LRRC4B: variants seen among roughly 807,000 people sequenced by gnomAD.
LRRC4B encodes the protein leucine-rich repeat-containing protein 4B.
LRRC4B carries 1 observed loss-of-function variant against 7.3 expected under a neutral mutation model. That is an observed-to-expected ratio of 0.14 (90% confidence interval 0.05 to 0.65). The LOEUF is 0.65. Ranked by LOEUF, LRRC4B falls within the 30% of genes least tolerant of loss-of-function variation. The pLI, the probability that LRRC4B is intolerant of heterozygous loss-of-function variation, is 0.84. For missense variants in LRRC4B, 730 were observed against 1,041.6 expected, an observed-to-expected ratio of 0.70 and a Z score of 4.12; for synonymous variants, 500 against 499.2, an observed-to-expected ratio of 1.00 and a Z score of -0.02.
Position 50,518,003 on chromosome 19 carries a change from G to A in LRRC4B, c.1710C>T (p.Asp570=). 1 of 1,541,216 alleles carries A rather than the reference G, an allele frequency of 6.5e-7. No homozygotes were observed. Among genetic ancestry groups the A allele is most frequent in the South Asian group, 1.3e-5 (1 of 79,380 alleles). The part of the protein sequence containing the change: ...VTENALKDLD[D]VMKTTKIIIG... Reference sequence around the variant, plus strand: ...TGATGATTTTGGTGGTCTTCATGACGTCGTCCAGGTCCTTGAGGGCGTTCT... The same window carrying A: ...TGATGATTTTGGTGGTCTTCATGACATCGTCCAGGTCCTTGAGGGCGTTCT... The change falls in exon 3 of 3, where the codon GAC becomes GAT. Residue 570 remains aspartate, a synonymous_variant. Coordinates refer to ENST00000652263, the MANE Select transcript of LRRC4B (RefSeq NM_001080457.2).
intron 2 of LRRC4B, among the ~76,000 whole-genome samples, chr19:50,540,465 T>A (rs1482808543): frequency 1.3e-5 from 2 of 152,062 alleles, no homozygotes; most frequent in African/African-American, 4.8e-5. Context: ...CGGGTTCAAG[T>A]GATTCTCCTG....
At chr19:50,529,209 T>TA (rs1980946807) in intron 2 of LRRC4B, among the ~76,000 whole-genome samples, 1 of 152,138 alleles carries the variant, frequency 6.6e-6, no homozygotes, top group Non-Finnish European at 1.5e-5. Flanking sequence ...ATCAATGCGT[T>TA]AGGAGCCTGC....
intron 1 of LRRC4B, among the ~76,000 whole-genome samples, chr19:50,564,477 G>C (rs111605126): frequency 2.0e-5 from 3 of 151,934 alleles, no homozygotes; most frequent in Admixed American, 6.6e-5. Context: ...CACAGAGAGC[G>C]GTGTCGAGCA....
intron 2 of LRRC4B, among the ~76,000 whole-genome samples, chr19:50,543,335 G>GGTGGGTGTGTGT (rs1555807805): frequency 6.9e-6 from 1 of 145,194 alleles, no homozygotes; most frequent in African/African-American, 2.6e-5. Context: ...GCCAGGCCCT[G>GGTGGGTGTGTGT]GTGTGTGTGT....
Position 50,518,234 on chromosome 19 carries a change from C to T in LRRC4B, c.1479G>A (p.Glu493=), listed in dbSNP as rs539581388. 6.2e-7 allele frequency: 1 copy of T among 1,608,532 alleles called. No homozygotes were observed. The highest frequency in any genetic ancestry group is 1.1e-5 in the South Asian group (1 of 90,806). The stretch of plus-strand genomic sequence containing the variant: ...CCTCTCCGGGCTGCGTCTCCAGGGT[C>T]TCCACGGTCACCGTGGTGAAGTAGG... ...GYTYFTTVTV[E]TLETQPGEEA... Residue 493 remains glutamate (E), a synonymous_variant, in exon 3 of 3, where the codon GAG becomes GAA. Transcript: ENST00000652263.
chr19:50,550,452 ACTCTCAGGACCCCCCTCTCACG>A (rs1982006178), intron 1 of LRRC4B, among the ~76,000 whole-genome samples: 2 of 73,838 alleles, frequency 2.7e-5, no homozygotes, highest in Admixed American at 3.5e-4. Context: ...CTCACGGTGG[ACTCTCAGGACCCCCCTCTCACG>A]GTGGACTCTC....
chr19:50,552,671 T>TCCAC (rs1982131322), intron 1 of LRRC4B, among the ~76,000 whole-genome samples: 1 of 138,200 alleles, frequency 7.2e-6, no homozygotes, highest in African/African-American at 2.7e-5. Flanking sequence ...CATCCATCCA[T>TCCAC]CCATCCATCC....
chr19:50,530,319 C>G (rs1218545566), intron 2 of LRRC4B, among the ~76,000 whole-genome samples: 2 of 152,212 alleles, frequency 1.3e-5, no homozygotes, highest in Non-Finnish European at 2.9e-5. Context: ...GGGCATCTGC[C>G]TTTCTCCCCA....
chr19:50,517,613 G>T lies in LRRC4B; in HGVS notation c.2100C>A (p.Phe700Leu). ...GLNSIHEPLLFKSGSKENVQE... is the reference protein window; with the variant it reads ...GLNSIHEPLLLKSGSKENVQE... ...GCACGTTCTCCTTGGAGCCGCTCTT[G>T]AAGAGCAGAGGTTCGTGGATGGAGT... is the stretch of plus-strand genomic sequence containing the variant. Residue 700 changes from phenylalanine to leucine, a missense_variant, in exon 3 of 3, where the codon TTC (phenylalanine) becomes TTA (leucine). By Grantham distance (22) the Phe-to-Leu change is conservative. Coordinates refer to ENST00000652263, the MANE Select transcript of LRRC4B (RefSeq NM_001080457.2). The surrounding 1 kb of genome is among the most constrained non-coding windows in gnomAD (Gnocchi z 6.6). 6.8e-7 allele frequency: 1 copy of T among 1,472,692 alleles called. No homozygotes were observed. Among genetic ancestry groups the T allele is most frequent in the South Asian group, 1.4e-5 (1 of 70,560 alleles). 91.2% of individuals were successfully genotyped at this position (1,472,692 alleles called of 1,614,324 possible).
chr19:50,521,531 G>A (rs1262382997), intron 2 of LRRC4B, among the ~76,000 whole-genome samples: 3 of 152,106 alleles, frequency 2.0e-5, no homozygotes, highest in African/African-American at 7.2e-5. Flanking sequence ...AGGTTCTAGC[G>A]ATTCTCCTGC....
chr19:50,541,938 C>G (rs1981567306), intron 2 of LRRC4B, among the ~76,000 whole-genome samples: 2 of 152,150 alleles, frequency 1.3e-5, no homozygotes, highest in South Asian at 4.1e-4. Context: ...TCTGTAGCAG[C>G]AACAGCAGCA....
chr19:50,521,973 G>A (rs60968515), intron 2 of LRRC4B, among the ~76,000 whole-genome samples: 7 of 152,124 alleles, frequency 4.6e-5, no homozygotes, highest in African/African-American at 1.7e-4. Flanking sequence ...CTCGGGAATT[G>A]AAGACAATCC....
At chr19:50,522,690 C>G (rs1980637034) in intron 2 of LRRC4B, among the ~76,000 whole-genome samples, 3 of 152,118 alleles carry the variant, frequency 2.0e-5, no homozygotes, top group African/African-American at 7.2e-5. Flanking sequence ...GTTGGCCAGG[C>G]TGGTCTCGAA....
intron 2 of LRRC4B, among the ~76,000 whole-genome samples, chr19:50,526,881 T>G (rs1017605930): frequency 4.0e-5 from 6 of 149,520 alleles, no homozygotes; most frequent in Non-Finnish European, 7.4e-5. Context: ...TGAGATAGAG[T>G]CTCACTCTGT....
chr19:50,529,745 T>G (rs1385782534), intron 2 of LRRC4B, among the ~76,000 whole-genome samples: 1 of 152,100 alleles, frequency 6.6e-6, no homozygotes, highest in African/African-American at 2.4e-5. Flanking sequence ...GAGGTTGCAG[T>G]GAGCTGAGAC....
chr19:50,557,346 C>T (rs574655029), intron 1 of LRRC4B, among the ~76,000 whole-genome samples: 1 of 152,168 alleles, frequency 6.6e-6, no homozygotes, highest in East Asian at 1.9e-4. Context: ...CACTCACAGG[C>T]GGTGCCTCGC....
At chr19:50,566,372 G>A (rs1230375531) in intron 1 of LRRC4B, among the ~76,000 whole-genome samples, 3 of 151,792 alleles carry the variant, frequency 2.0e-5, no homozygotes, top group Non-Finnish European at 2.9e-5. Context: ...GGAGAGGGGG[G>A]CGGGGAGGGG....
At chr19:50,539,408 T>C (rs2122859485) in intron 2 of LRRC4B, among the ~76,000 whole-genome samples, 1 of 152,316 alleles carries the variant, frequency 6.6e-6, no homozygotes, top group South Asian at 2.1e-4. Flanking sequence ...CATCCTGCCC[T>C]CACAGGAATA....
At chr19:50,538,862 C>CCCGGCCAGGTTTTGTTT (rs1297773247) in intron 2 of LRRC4B, among the ~76,000 whole-genome samples, 1 of 150,752 alleles carries the variant, frequency 6.6e-6, no homozygotes. Context: ...AGCCACCGTG[C>CCCGGCCAGGTTTTGTTT]TGGGATTACA....
Sources: gnomAD v4.1 joint callset for allele counts (sites outside exome capture counted in the v4.1 genomes callset) on GRCh38, gnomAD v4.1.1 for gene constraint, Gnocchi (gnomAD v3.1) non-coding constraint, MANE v1.5 for transcripts, NCBI Gene and HGNC (gene_info 2026-07-23, HGNC 2026-07-21) for gene names.